RGS6: variants seen among roughly 807,000 people sequenced by gnomAD.
RGS6 encodes the protein regulator of G-protein signaling 6.
Under a neutral mutation model 78.5 loss-of-function variants are expected in RGS6, and 30 were observed. The observed-to-expected ratio is 0.38, with a 90% confidence interval of 0.29 to 0.52. The LOEUF is 0.52. Ranked by LOEUF, RGS6 falls within the 20% of genes least tolerant of loss-of-function variation. The pLI is 0.85. For missense variants in RGS6, 495 were observed against 609.7 expected, an observed-to-expected ratio of 0.81 and a Z score of 1.98; for synonymous variants, 206 against 206.0, an observed-to-expected ratio of 1.00 and a Z score of 0.00.
Position 72,562,633 on chromosome 14 carries a change from G to T in RGS6, c.*166G>T. On this transcript the variant is annotated 3_prime_UTR_variant, in exon 18 of 18. Transcript: ENST00000553525. ...GTGGGGAGACTCGGTGGGTGAATGGGGAGACCAGAAAGAAAGAGTCCACAG... is the reference window on the plus strand; with the variant it reads ...GTGGGGAGACTCGGTGGGTGAATGGTGAGACCAGAAAGAAAGAGTCCACAG... 6.5e-7 allele frequency: 1 copy of T among 1,534,722 alleles called. No homozygotes were observed. The highest frequency in any genetic ancestry group is 8.7e-7 in the Non-Finnish European group (1 of 1,146,292).
At chr14:72,197,878 T>C (rs1384918384) in intron 2 of RGS6, among the ~76,000 whole-genome samples, 2 of 152,144 alleles carry the variant, frequency 1.3e-5, no homozygotes, top group African/African-American at 4.8e-5. Flanking sequence ...ATCCTCCAGG[T>C]CCAGGTTAGA....
At chr14:72,439,316 A>G (rs1327850723) in intron 3 of RGS6, among the ~76,000 whole-genome samples, 1 of 152,258 alleles carries the variant, frequency 6.6e-6, no homozygotes, top group Non-Finnish European at 1.5e-5. Flanking sequence ...TAGTGAATGC[A>G]TAAACAAAGT....
At position 72,536,416 on chromosome 14, in the gene RGS6, C is replaced by G. The variant is rs987100287; in HGVS notation, c.1368+141C>G. ...TTTCCCTTCTCTATCTGCTCCCATTCTAATGGAAAACAGTTAGGATTGTCA... is the reference window on the plus strand; with the variant it reads ...TTTCCCTTCTCTATCTGCTCCCATTGTAATGGAAAACAGTTAGGATTGTCA... On this transcript the variant is annotated intron_variant, in intron 16 of 17. Coordinates refer to ENST00000553525, the MANE Select transcript of RGS6 (RefSeq NM_001204424.2). 11 of 663,614 alleles carry G rather than the reference C, an allele frequency of 1.7e-5. No individual in the cohort carries two copies. In the African/African-American group the frequency reaches 2.0e-4, roughly 12 times the overall value. The allele number at this position is 663,614 out of a possible 1,614,324, so 41.1% of individuals were successfully genotyped here.
At chr14:72,597,968 C>T in the RGS6 span, among the ~76,000 whole-genome samples, 1 of 152,230 alleles carries the variant, frequency 6.6e-6, no homozygotes, top group Non-Finnish European at 1.5e-5. Flanking sequence ...TTGAGACACC[C>T]TGTGCCCTCC....
chr14:72,575,982 C>T, the RGS6 span, among the ~76,000 whole-genome samples: 63,177 of 152,132 alleles, frequency 0.42, 13,616 homozygotes, highest in East Asian at 0.75. Context: ...CAGAGGCTCC[C>T]GTTCCTGTCT....
chr14:72,118,921 C>T (rs1366325136), intron 2 of RGS6, among the ~76,000 whole-genome samples: 1 of 152,022 alleles, frequency 6.6e-6, no homozygotes, highest in Non-Finnish European at 1.5e-5. Flanking sequence ...TTCCTTTTTC[C>T]CAAAATTTTA....
chr14:72,614,775 C>CAAAAAAAAAAA, the RGS6 span, among the ~76,000 whole-genome samples: 2 of 25,754 alleles, frequency 7.8e-5, no homozygotes, highest in African/African-American at 6.8e-4. Context: ...TCACAAGCCT[C>CAAAAAAAAAAA]AGAAAAAAAA....
chr14:72,103,059 G>A (rs1169330686), intron 2 of RGS6, among the ~76,000 whole-genome samples: 7 of 152,306 alleles, frequency 4.6e-5, no homozygotes, highest in Non-Finnish European at 1.0e-4. Context: ...AGGAATTTGA[G>A]ACCTCCGTTA....
intron 2 of RGS6, among the ~76,000 whole-genome samples, chr14:72,052,923 ATTTT>A (rs1555454686): frequency 7.4e-6 from 1 of 136,052 alleles, no homozygotes. Flanking sequence ...GTTTCATTGT[ATTTT>A]TCTTTCTTTC....
At chr14:72,097,777 T>C (rs941483670) in intron 2 of RGS6, among the ~76,000 whole-genome samples, 4 of 152,176 alleles carry the variant, frequency 2.6e-5, no homozygotes, top group Non-Finnish European at 5.9e-5. Context: ...GGGTGGCGTC[T>C]TGTCCCCCAC....
intron 2 of RGS6, among the ~76,000 whole-genome samples, chr14:72,041,827 A>G (rs2092427896): frequency 6.6e-6 from 1 of 152,066 alleles, no homozygotes. Flanking sequence ...GGGGCATCCT[A>G]TTTTGTAATC....
At chr14:71,980,341 A>G (rs2094384296) in intron 2 of RGS6, among the ~76,000 whole-genome samples, 1 of 137,026 alleles carries the variant, frequency 7.3e-6, no homozygotes, top group East Asian at 2.2e-4. Context: ...TAGTTGATGC[A>G]GTTTCTTCCT....
chr14:71,975,134 A>G (rs1290807237), intron 2 of RGS6, among the ~76,000 whole-genome samples: 1 of 152,246 alleles, frequency 6.6e-6, no homozygotes, highest in Admixed American at 6.5e-5. Context: ...AGCCTGGGCA[A>G]CAGAGTGAGG....
At chr14:72,417,258 C>G (rs961843420) in intron 3 of RGS6, among the ~76,000 whole-genome samples, 1 of 152,212 alleles carries the variant, frequency 6.6e-6, no homozygotes, top group African/African-American at 2.4e-5. Context: ...GTCAAATATT[C>G]TCTGTCAACT....
At chr14:71,903,152 C>A in the RGS6 span, among the ~76,000 whole-genome samples, 1 of 152,190 alleles carries the variant, frequency 6.6e-6, no homozygotes, top group Non-Finnish European at 1.5e-5. Flanking sequence ...GGAGTAAAGG[C>A]AGTGCTCCCT....
chr14:72,541,335 A>G, intron 17 of RGS6: 1 of 1,343,416 alleles, frequency 7.4e-7, no homozygotes, highest in Non-Finnish European at 1.0e-6. Flanking sequence ...TTTTAAGTGC[A>G]TTTAAACATT....
intron 17 of RGS6, among the ~76,000 whole-genome samples, chr14:72,545,557 T>A (rs1007096317): frequency 5.3e-5 from 8 of 152,154 alleles, no homozygotes; most frequent in African/African-American, 1.9e-4. Flanking sequence ...CTTCCCTCTG[T>A]CCTGAGATTT....
In RGS6 at chr14:72,488,445, C is replaced by G. The variant is rs149495511; in HGVS notation, c.855-6707C>G. 7.9e-5 allele frequency among the ~76,000 whole-genome samples: 12 copies of G among 152,360 alleles called. No individual in the cohort carries two copies. In the East Asian group the frequency reaches 2.3e-3, roughly 29 times the overall value. ...CACCTTGGGCTCTCAACCACATTCT[C>G]CTAAACCAACATCACCATGAGCTCT... is the stretch of plus-strand genomic sequence containing the variant. On this transcript the variant is annotated intron_variant, in intron 12 of 17. Coordinates refer to ENST00000553525, the MANE Select transcript of RGS6 (RefSeq NM_001204424.2).
intron 17 of RGS6, among the ~76,000 whole-genome samples, chr14:72,557,350 A>G (rs1223508850): frequency 1.3e-5 from 2 of 152,232 alleles, no homozygotes; most frequent in Non-Finnish European, 2.9e-5. Flanking sequence ...GAGGAAGAAG[A>G]TGCCACGGAA....
Sources: allele counts gnomAD v4.1 joint callset (sites outside exome capture counted in the v4.1 genomes callset), GRCh38; gene constraint gnomAD v4.1.1; transcripts MANE v1.5; gene names NCBI Gene and HGNC (gene_info 2026-07-23, HGNC 2026-07-21).